PCGF2: variants seen among roughly 807,000 people sequenced by gnomAD.
The protein encoded by PCGF2 is polycomb group ring finger 2.
A neutral mutation model predicts 36.1 loss-of-function variants in PCGF2; 8 were observed. The observed-to-expected ratio is 0.22, with a 90% CI of 0.13 to 0.40. PCGF2 has a LOEUF of 0.40. PCGF2 is among the 10% of genes least tolerant of loss of function. The pLI is 1.00. For missense variants in PCGF2, 436 were observed against 475.9 expected (o/e 0.92, Z 0.78); for synonymous variants, 198 against 191.2 (o/e 1.04, Z -0.29).
intron 9 of PCGF2, 65 bp downstream of exon 9, chr17:38,738,288 G>T: frequency 7.4e-7 from 1 of 1,343,970 alleles, no homozygotes; most frequent in Non-Finnish European, 1.1e-6. Flanking sequence ...CAATGGCTGG[G>T]CTGCACAGAC....
At chr17:38,736,443 G>A (rs916091793) in intron 9 of PCGF2, among the ~76,000 whole-genome samples, 2 of 152,178 alleles carry the variant, frequency 1.3e-5, no homozygotes, top group Admixed American at 1.3e-4. Context: ...CCTATCTCTG[G>A]CAGGTCGCCC....
At chr17:38,736,763 G>A (rs1302106731) in intron 9 of PCGF2, among the ~76,000 whole-genome samples, 2 of 152,158 alleles carry the variant, frequency 1.3e-5, no homozygotes, top group East Asian at 3.9e-4. Context: ...GAACCCGGGA[G>A]GCGGAGCTTG....
At chr17:38,749,596 A>G (rs1396243324), upstream of PCGF2, 1 of 454,752 alleles carries the variant, frequency 2.2e-6, no homozygotes, top group Non-Finnish European at 4.4e-6. The surrounding 1 kb of genome is among the most constrained non-coding windows in gnomAD (Gnocchi z 6.5). Flanking sequence ...CCATCCGGCC[A>G]GCAGCGCCAT....
Position 38,738,613 on chromosome 17 carries a change from A to G in PCGF2, c.426-18T>C. 6.4e-7 allele frequency: 1 copy of G among 1,568,578 alleles called. No individual in the cohort carries two copies. The highest frequency in any genetic ancestry group is 8.6e-7 in the Non-Finnish European group (1 of 1,158,544). ...CCCGGTCCCTGGGGACGGAGAAAGA[A>G]TGAAGCTAGGAAGACCCAGGAAGAA... On this transcript the variant is annotated intron_variant, in intron 7 of 10. Coordinates refer to ENST00000620225, the MANE Select transcript of PCGF2 (RefSeq NM_007144.3).
At position 38,739,269 on chromosome 17, in the gene PCGF2, C is replaced by T; in HGVS notation, c.210-16G>A. The T allele has an allele frequency of 6.2e-7, 1 of 1,611,840 alleles. No individual in the cohort carries two copies. The highest frequency in any genetic ancestry group is 8.5e-7 in the Non-Finnish European group (1 of 1,178,172). On this transcript the variant is annotated splice_polypyrimidine_tract_variant and intron_variant, in intron 4 of 10. Coordinates refer to ENST00000620225, the MANE Select transcript of PCGF2 (RefSeq NM_007144.3). This position sits in a 1 kb window ranked among gnomAD's most constrained non-coding sequence, Gnocchi z 4.0. Reference sequence around the variant, plus strand: ...TTTGTCAGACCTGGGGAAAAATGGACAGGGCTTATCAGCAATGCCTTCTCC... The same window carrying T: ...TTTGTCAGACCTGGGGAAAAATGGATAGGGCTTATCAGCAATGCCTTCTCC...
At chr17:38,747,065 A>T (rs559358853) in intron 2 of PCGF2, among the ~76,000 whole-genome samples, 19 of 152,140 alleles carry the variant, frequency 1.2e-4, no homozygotes, top group African/African-American at 4.3e-4. Flanking sequence ...AGCATGGGGG[A>T]CACTGAGGGA....
In PCGF2 at chr17:38,739,846, G is replaced by C. The variant is rs1250407624; in HGVS notation, c.113-164C>G. On this transcript the variant is annotated intron_variant, in intron 3 of 10. Transcript: ENST00000620225. This position sits in a 1 kb window ranked among gnomAD's most constrained non-coding sequence, Gnocchi z 4.0. ...TTCTGCACGTGTGGTACCTGTCCTT[G>C]TGCACTGTTGAGGGAAGCTGGATCT... is the stretch of plus-strand genomic sequence containing the variant. 2.0e-5 allele frequency among the ~76,000 whole-genome samples: 3 copies of C among 152,168 alleles called. No homozygotes were observed. The highest frequency in any genetic ancestry group is 4.4e-5 in the Non-Finnish European group (3 of 68,028).
chr17:38,744,873 G>C (rs74648741), intron 2 of PCGF2, among the ~76,000 whole-genome samples: 1 of 152,182 alleles, frequency 6.6e-6, no homozygotes, highest in South Asian at 2.1e-4. Flanking sequence ...AGTCACTCAA[G>C]GTCACATCCA....
rs371599393 is a variant in PCGF2, at chr17:38,740,376, G to A, written c.27C>T (p.Ile9=). The A allele has an allele frequency of 3.4e-6, 5 of 1,471,088 alleles. No individual in the cohort carries two copies. The African/African-American group carries it at 7.3e-5, about 21-fold the overall frequency. The allele number at this position is 1,471,088 out of a possible 1,614,324, so 91.1% of individuals were successfully genotyped here. The part of the protein sequence containing the change: MHRTTRIK[I]TELNPHLMCA... ...ACATGAGGTGGGGGTTCAGCTCTGT[G>A]ATTTTGATCCGTGTAGTCCGATGCA... The change falls in exon 3 of 11, where the codon ATC becomes ATT. Residue 9 remains isoleucine, a synonymous_variant. Coordinates refer to ENST00000620225, the MANE Select transcript of PCGF2 (RefSeq NM_007144.3).
intron 2 of PCGF2, among the ~76,000 whole-genome samples, chr17:38,744,944 G>A (rs1022296034): frequency 6.6e-6 from 1 of 152,194 alleles, no homozygotes; most frequent in Non-Finnish European, 1.5e-5. Context: ...GCTGGGCGTG[G>A]TGGCTCACAC....
chr17:38,740,267 G>A (rs770431608), intron 3 of PCGF2, 24 bp downstream of exon 3: 6 of 1,604,788 alleles, frequency 3.7e-6, no homozygotes, highest in African/African-American at 1.3e-5. Flanking sequence ...CCCACCCTGA[G>A]CAGCTCCCCT....
In PCGF2 at chr17:38,740,328, G is replaced by A. The variant is rs766545529; in HGVS notation, c.75C>T (p.Phe25=). 6.2e-7 allele frequency: 1 copy of A among 1,608,864 alleles called. No individual in the cohort carries two copies. Among genetic ancestry groups the A allele is most frequent in the South Asian group, 1.1e-5 (1 of 91,026 alleles). The change falls in exon 3 of 11, where the codon TTC becomes TTT. Residue 25 remains phenylalanine, a synonymous_variant. Coordinates refer to ENST00000620225, the MANE Select transcript of PCGF2 (RefSeq NM_007144.3). Reference sequence around the variant, plus strand: ...ACTCCACGATAGTGGTGGCGTCGATGAAGTACCCCCCGCAGAGGGCACACA... The same window carrying A: ...ACTCCACGATAGTGGTGGCGTCGATAAAGTACCCCCCGCAGAGGGCACACA... ...HLMCALCGGY[F]IDATTIVECL... is the part of the protein sequence containing the mutation.
chr17:38,735,301 GTTC>G lies in PCGF2; in HGVS notation c.954_956del (p.Leu318_Asn319delinsPhe). On this transcript the variant is annotated inframe_deletion, in exon 11 of 11. Coordinates refer to ENST00000620225, the MANE Select transcript of PCGF2 (RefSeq NM_007144.3). ...TGGTGGAGGATGGTGTCTGCAGGCA[GTTC>G]AAGCTACCCCCGTTGGCAGCTGTGG... 1.3e-6 allele frequency: 2 copies of G among 1,519,080 alleles called. No homozygotes were observed. Among genetic ancestry groups the G allele is most frequent in the South Asian group, 2.6e-5 (2 of 77,182 alleles). 94.1% of individuals were successfully genotyped at this position (1,519,080 alleles called of 1,614,324 possible).
At position 38,738,336 on chromosome 17, in the gene PCGF2, A is replaced by C. The variant is rs1355275479; in HGVS notation, c.576+17T>G. 2 of 1,605,802 alleles carry C rather than the reference A, an allele frequency of 1.2e-6. No individual in the cohort carries two copies. The highest frequency in any genetic ancestry group is 4.5e-5 in the East Asian group (2 of 44,802). On this transcript the variant is annotated intron_variant, in intron 9 of 10. Transcript: ENST00000620225. ...CCATACACAGACACTCATTTTTTGA[A>C]AGGCCCAGGGACCCACCTTGTACTT...
At chr17:38,736,253 C>T in intron 9 of PCGF2, 83 bp from the exon 10 acceptor site, 1 of 801,136 alleles carries the variant, frequency 1.2e-6, no homozygotes, top group Admixed American at 2.0e-5. Context: ...GGAGGCGGGG[C>T]AATGGGAAGG....
upstream of PCGF2, chr17:38,749,781 T>G (rs1360429123): frequency 4.4e-6 from 2 of 451,044 alleles, no homozygotes; most frequent in Non-Finnish European, 8.9e-6. The surrounding 1 kb of genome is among the most constrained non-coding windows in gnomAD (Gnocchi z 6.5). Flanking sequence ...CTGCGCACAC[T>G]GGCCGCCGAG....
In PCGF2 at chr17:38,738,875, G is replaced by C. The variant is rs970896814; in HGVS notation, c.317-14C>G. 1 of 1,608,980 alleles carries C rather than the reference G, an allele frequency of 6.2e-7. No individual in the cohort carries two copies. ...AGCCGTTGGGGACTGCAGAAGGAAA[G>C]AGCTCTCGGGTTGGCGGAGGATGTA... On this transcript the variant is annotated splice_polypyrimidine_tract_variant and intron_variant, in intron 6 of 10. Coordinates refer to ENST00000620225, the MANE Select transcript of PCGF2 (RefSeq NM_007144.3).
At chr17:38,746,816 C>G (rs963736767) in intron 2 of PCGF2, among the ~76,000 whole-genome samples, 3 of 152,230 alleles carry the variant, frequency 2.0e-5, no homozygotes, top group Non-Finnish European at 4.4e-5. Flanking sequence ...TCCCCCAACC[C>G]CCAACCAGGG....
chr17:38,742,468 G>A (rs1238016310), intron 2 of PCGF2, among the ~76,000 whole-genome samples: 1 of 152,200 alleles, frequency 6.6e-6, no homozygotes, highest in Non-Finnish European at 1.5e-5. Flanking sequence ...AGACACAAAG[G>A]CCACATGTGG....
Sources: allele counts gnomAD v4.1 joint callset (sites outside exome capture counted in the v4.1 genomes callset), GRCh38; gene constraint gnomAD v4.1.1; non-coding constraint Gnocchi (gnomAD v3.1); transcripts MANE v1.5; gene names NCBI Gene and HGNC (gene_info 2026-07-23, HGNC 2026-07-21).